The following KCNT1 variants were observed in gnomAD, a reference collection of about 807,000 sequenced individuals.
The protein encoded by KCNT1 is potassium channel subfamily T member 1.
KCNT1 carries 78 observed loss-of-function variants against 147.8 expected under a neutral mutation model. The ratio of observed to expected loss-of-function variants is 0.53; its 90% confidence interval spans 0.44 to 0.64. The LOEUF (loss-of-function observed/expected upper bound fraction) is 0.64. Ranked by LOEUF, KCNT1 falls within the 30% of genes least tolerant of loss-of-function variation. The pLI is 0.00. For missense variants in KCNT1, 1,419 were observed against 1,750.3 expected, an observed-to-expected ratio of 0.81 and a Z score of 3.38; for synonymous variants, 867 against 748.8, an observed-to-expected ratio of 1.16 and a Z score of -2.58.
chr9:135,775,629 T>C (rs1435857673), intron 20 of KCNT1, among the ~76,000 whole-genome samples: 1 of 152,234 alleles, frequency 6.6e-6, no homozygotes, highest in Non-Finnish European at 1.5e-5. Context: ...CCTCTCACAG[T>C]GTCTATGTTA....
chr9:135,730,655 G>A lies in KCNT1; in HGVS notation c.254+15935G>A, dbSNP rs1455966556. Among the ~76,000 whole-genome samples the A allele has an allele frequency of 6.6e-6, 1 of 152,180 alleles. No homozygotes were observed. The highest frequency in any genetic ancestry group is 1.5e-5 in the Non-Finnish European group (1 of 68,038). On this transcript the variant is annotated intron_variant, in intron 2 of 30. Transcript: ENST00000371757. The surrounding 1 kb of genome is among the most constrained non-coding windows in gnomAD (Gnocchi z 4.7). ...AGGAGCCAGCCCTGCCGGCACTTCAGGCTTGGGATTTCGGACCTCCGGGAT... is the reference window on the plus strand; with the variant it reads ...AGGAGCCAGCCCTGCCGGCACTTCAAGCTTGGGATTTCGGACCTCCGGGAT...
chr9:135,724,512 A>G (rs149923701), intron 2 of KCNT1, among the ~76,000 whole-genome samples: 217 of 152,328 alleles, frequency 1.4e-3, no homozygotes, highest in African/African-American at 5.0e-3. Flanking sequence ...TCCTCCACGT[A>G]TGCAGGCATT....
chr9:135,703,977 C>G (rs1216955608), intron 1 of KCNT1, among the ~76,000 whole-genome samples: 4 of 152,252 alleles, frequency 2.6e-5, no homozygotes, highest in Non-Finnish European at 5.9e-5. Context: ...GGAGGGATGT[C>G]AGGCGTCAGG....
chr9:135,761,445 T>G (rs967347601), intron 11 of KCNT1, among the ~76,000 whole-genome samples: 2 of 152,250 alleles, frequency 1.3e-5, no homozygotes, highest in Non-Finnish European at 2.9e-5. Flanking sequence ...GAGCACAGTG[T>G]GGGGGGCACT....
intron 2 of KCNT1, among the ~76,000 whole-genome samples, chr9:135,733,385 A>C (rs1303582564): frequency 1.7e-4 from 1 of 5,754 alleles, no homozygotes; most frequent in Non-Finnish European, 2.9e-4. Context: ...TGCCCCCACA[A>C]CTGCCCCCCA....
chr9:135,723,060 C>T (rs1835987217), intron 2 of KCNT1, among the ~76,000 whole-genome samples: 1 of 152,256 alleles, frequency 6.6e-6, no homozygotes. Context: ...GCTTTCCTCT[C>T]CTCTCCAGCG....
intron 5 of KCNT1, 103 bp from the exon 6 acceptor site, chr9:135,755,018 C>T: frequency 1.9e-6 from 2 of 1,047,260 alleles, no homozygotes; most frequent in Non-Finnish European, 2.7e-6. Context: ...GCAGCACATG[C>T]TTGGGGCCAG....
intron 19 of KCNT1, 94 bp from the exon 20 acceptor site, chr9:135,775,213 AGTG>A: frequency 1.3e-6 from 1 of 796,360 alleles, no homozygotes; most frequent in Non-Finnish European, 2.0e-6. Context: ...CTGTGGGTGG[AGTG>A]GGTGCCCTCG....
intron 1 of KCNT1, among the ~76,000 whole-genome samples, chr9:135,705,276 C>A (rs974856218): frequency 1.3e-5 from 2 of 152,190 alleles, no homozygotes; most frequent in African/African-American, 2.4e-5. Flanking sequence ...GTGCCATCGG[C>A]CCTGGAAAGG....
intron 2 of KCNT1, among the ~76,000 whole-genome samples, chr9:135,732,024 A>AGAGAGAGAGGGAGG (rs1554766183): frequency 4.8e-4 from 31 of 65,116 alleles, no homozygotes; most frequent in African/African-American, 7.5e-4. Flanking sequence ...AGAGAGAGAG[A>AGAGAGAGAGGGAGG]GAGAGAGAGA....
At chr9:135,754,552 G>A (rs965183897) in intron 5 of KCNT1, among the ~76,000 whole-genome samples, 1 of 152,192 alleles carries the variant, frequency 6.6e-6, no homozygotes, top group Non-Finnish European at 1.5e-5. Context: ...AACCTGCAAG[G>A]CATGTCCCCA....
In KCNT1 at chr9:135,792,901, A is replaced by G. The variant is rs1459177189; in HGVS notation, c.*740A>G. On this transcript the variant is annotated 3_prime_UTR_variant, in exon 31 of 31. Transcript: ENST00000371757. ...ATTGGGCGGAAGATGGTGCATTTCC[A>G]TGGACCATTTTACACTTACCTTTTA... 1 of 152,152 alleles carries G rather than the reference A, an allele frequency of 6.6e-6. No individual in the cohort carries two copies. Among genetic ancestry groups the G allele is most frequent in the Non-Finnish European group, 1.5e-5 (1 of 68,020 alleles). The allele number at this position is 152,152 out of a possible 1,614,324, so 9.4% of individuals were successfully genotyped here.
chr9:135,730,173 A>G lies in KCNT1; in HGVS notation c.254+15453A>G, dbSNP rs1423486078. On this transcript the variant is annotated intron_variant, in intron 2 of 30. Transcript: ENST00000371757. The surrounding 1 kb of genome is among the most constrained non-coding windows in gnomAD (Gnocchi z 4.7). ...CTCTTTAATGACAGATTTTCACAGTAAGGCAGTGTTGAATTGCAGCCTCTA... is the reference window on the plus strand; with the variant it reads ...CTCTTTAATGACAGATTTTCACAGTGAGGCAGTGTTGAATTGCAGCCTCTA... 6.6e-6 allele frequency among the ~76,000 whole-genome samples: 1 copy of G among 152,190 alleles called. No individual in the cohort carries two copies. Among genetic ancestry groups the G allele is most frequent in the African/African-American group, 2.4e-5 (1 of 41,432 alleles).
intron 2 of KCNT1, among the ~76,000 whole-genome samples, chr9:135,731,306 G>A (rs567319783): frequency 2.3e-4 from 35 of 152,264 alleles, no homozygotes; most frequent in African/African-American, 6.5e-4. Flanking sequence ...GTCGCCTGGC[G>A]TGTCTTCATT....
intron 10 of KCNT1, among the ~76,000 whole-genome samples, chr9:135,758,766 C>CG (rs1216824002): frequency 3.5e-4 from 54 of 152,246 alleles, no homozygotes; most frequent in Non-Finnish European, 6.5e-4. Flanking sequence ...GCTTCCTGGT[C>CG]TATGCCATGG....
At chr9:135,766,431 C>G (rs1832290476) in intron 13 of KCNT1, among the ~76,000 whole-genome samples, 1 of 151,678 alleles carries the variant, frequency 6.6e-6, no homozygotes, top group Non-Finnish European at 1.5e-5. Context: ...GGTGGACCAT[C>G]TGGGGTTGGT....
chr9:135,769,187 G>A, intron 15 of KCNT1, among the ~76,000 whole-genome samples: 1 of 145,938 alleles, frequency 6.9e-6, no homozygotes, highest in East Asian at 2.0e-4. Flanking sequence ...GGGCGCGTGT[G>A]CACACGTGGG....
chr9:135,783,569 CAG>C (rs1488351415), intron 24 of KCNT1, among the ~76,000 whole-genome samples: 1 of 152,238 alleles, frequency 6.6e-6, no homozygotes, highest in Non-Finnish European at 1.5e-5. Flanking sequence ...GCCTGGAGCA[CAG>C]GGACGGGGAG....
At chr9:135,737,384 C>T (rs1002405257) in intron 2 of KCNT1, among the ~76,000 whole-genome samples, 6 of 152,202 alleles carry the variant, frequency 3.9e-5, no homozygotes, top group Admixed American at 3.3e-4. Flanking sequence ...ACAGCACCCC[C>T]ATTTCACGGA....
Sources: gnomAD v4.1 joint callset for allele counts (sites outside exome capture counted in the v4.1 genomes callset) on GRCh38, gnomAD v4.1.1 for gene constraint, Gnocchi (gnomAD v3.1) non-coding constraint, MANE v1.5 for transcripts, NCBI Gene and HGNC (gene_info 2026-07-23, HGNC 2026-07-21) for gene names.